The following FYB2 variants were observed in gnomAD, a reference collection of about 807,000 sequenced individuals.
FYB2 encodes the protein FYN binding protein 2.
Under a neutral mutation model 94.1 loss-of-function variants are expected in FYB2, and 103 were observed. The ratio of observed to expected loss-of-function variants is 1.09; its 90% CI spans 0.93 to 1.29. The LOEUF (loss-of-function observed/expected upper bound fraction) is 1.29. FYB2 is among the 50% of genes most tolerant of loss of function. The probability of loss-of-function intolerance (pLI) is 0.00; values close to 1 mark genes in which losing one functional copy is unlikely to be tolerated. For synonymous variants in FYB2, 293 were observed against 287.9 expected (o/e 1.02, Z -0.18); for missense variants, 896 against 841.5 (o/e 1.06, Z -0.80).
At chr1:56,767,104 C>G (rs1645641480) in intron 5 of FYB2, among the ~76,000 whole-genome samples, 1 of 152,158 alleles carries the variant, frequency 6.6e-6, no homozygotes, top group South Asian at 2.1e-4. Flanking sequence ...ACATGGGGAA[C>G]CTAACACAGA....
At chr1:56,800,116 C>T (rs1646486407) in intron 1 of FYB2, among the ~76,000 whole-genome samples, 1 of 152,286 alleles carries the variant, frequency 6.6e-6, no homozygotes, top group South Asian at 2.1e-4. Context: ...GTAAGCAAAT[C>T]CAAGAGCCTT....
intron 4 of FYB2, among the ~76,000 whole-genome samples, chr1:56,774,033 AGT>A (rs1447017875): frequency 6.6e-6 from 1 of 152,204 alleles, no homozygotes; most frequent in Admixed American, 6.5e-5. Flanking sequence ...AACTTTTAAA[AGT>A]GACATCCATA....
chr1:56,769,503 G>T (rs1022298587), intron 4 of FYB2, among the ~76,000 whole-genome samples: 1 of 151,978 alleles, frequency 6.6e-6, no homozygotes, highest in African/African-American at 2.4e-5. Context: ...TGATGTAAAG[G>T]AGTCAATATT....
intron 5 of FYB2, among the ~76,000 whole-genome samples, chr1:56,763,933 T>A (rs1156627901): frequency 2.0e-5 from 3 of 152,006 alleles, no homozygotes; most frequent in Non-Finnish European, 4.4e-5. Flanking sequence ...GTTTCTTGAA[T>A]CTGTTGTCAT....
intron 9 of FYB2, among the ~76,000 whole-genome samples, chr1:56,745,260 C>T (rs996980756): frequency 3.9e-5 from 6 of 151,982 alleles, no homozygotes; most frequent in Admixed American, 2.0e-4. Context: ...AAAACACTGA[C>T]GACTCTCAAA....
chr1:56,818,455 AACACACACACACACACACAC>A (rs3991685), intron 1 of FYB2, among the ~76,000 whole-genome samples: 44 of 139,966 alleles, frequency 3.1e-4, no homozygotes, highest in African/African-American at 1.1e-3. Flanking sequence ...GTATGGAAGC[AACACACACACACACACACAC>A]ACACACACAC....
At chr1:56,823,166 GA>G (rs745870643), upstream of FYB2, among the ~76,000 whole-genome samples, 81 of 152,304 alleles carry the variant, frequency 5.3e-4, no homozygotes, top group Non-Finnish European at 6.9e-4. Flanking sequence ...GTGAGGCTCA[GA>G]AAGGTTAGGC....
chr1:56,776,428 A>G (rs1163449130), intron 4 of FYB2, among the ~76,000 whole-genome samples: 1 of 152,180 alleles, frequency 6.6e-6, no homozygotes, highest in Non-Finnish European at 1.5e-5. Context: ...ATGACTTTCT[A>G]AAAGCACTTT....
chr1:56,787,962 T>A (rs1646170114), intron 3 of FYB2, among the ~76,000 whole-genome samples: 1 of 152,188 alleles, frequency 6.6e-6, no homozygotes, highest in Non-Finnish European at 1.5e-5. Context: ...CCATATAGAA[T>A]TTTCTTTTAG....
chr1:56,760,357 C>G (rs1645462974), intron 5 of FYB2, among the ~76,000 whole-genome samples: 1 of 152,058 alleles, frequency 6.6e-6, no homozygotes, highest in Admixed American at 6.6e-5. Flanking sequence ...AATACACTGA[C>G]AAAATCAATG....
intron 4 of FYB2, among the ~76,000 whole-genome samples, chr1:56,781,301 G>T (rs1646002976): frequency 6.6e-6 from 1 of 152,124 alleles, no homozygotes; most frequent in Admixed American, 6.6e-5. Flanking sequence ...AACAATGATG[G>T]GAACAGCAAA....
chr1:56,721,221 C>CAAAT (rs934784095), intron 17 of FYB2, among the ~76,000 whole-genome samples: 2 of 152,054 alleles, frequency 1.3e-5, no homozygotes, highest in African/African-American at 4.8e-5. Flanking sequence ...CTGTTGACCA[C>CAAAT]AAATAAATAG....
chr1:56,797,235 C>T (rs781471962), intron 1 of FYB2, among the ~76,000 whole-genome samples: 1 of 152,084 alleles, frequency 6.6e-6, no homozygotes, highest in African/African-American at 2.4e-5. Context: ...ATAACTGAAG[C>T]CCCAGTGCAC....
At chr1:56,781,637 T>C (rs574142338) in intron 4 of FYB2, among the ~76,000 whole-genome samples, 114 of 152,286 alleles carry the variant, frequency 7.5e-4, no homozygotes, top group African/African-American at 2.6e-3. Context: ...TTCCACCTTT[T>C]CCCATGAAAT....
chr1:56,803,364 T>G (rs1646565300), intron 1 of FYB2, among the ~76,000 whole-genome samples: 1 of 152,218 alleles, frequency 6.6e-6, no homozygotes, highest in Non-Finnish European at 1.5e-5. Context: ...TTTGGAATTG[T>G]GGGTAACGAG....
intron 1 of FYB2, among the ~76,000 whole-genome samples, chr1:56,804,743 A>G (rs1646601212): frequency 1.0e-5 from 1 of 100,502 alleles, no homozygotes; most frequent in African/African-American, 2.7e-5. Flanking sequence ...AAATAAATAA[A>G]TAAATACATA....
At chr1:56,804,411 C>T (rs1277901819) in intron 1 of FYB2, among the ~76,000 whole-genome samples, 1 of 152,158 alleles carries the variant, frequency 6.6e-6, no homozygotes, top group Non-Finnish European at 1.5e-5. Context: ...AAATTAATTT[C>T]ATGCCAATGA....
At chr1:56,779,340 G>C (rs529114568) in intron 4 of FYB2, among the ~76,000 whole-genome samples, 1 of 152,018 alleles carries the variant, frequency 6.6e-6, no homozygotes, top group Non-Finnish European at 1.5e-5. Flanking sequence ...AGAAAGGAGC[G>C]TGCCTCTCAT....
chr1:56,785,066 C>A (rs1646101850), intron 4 of FYB2, among the ~76,000 whole-genome samples: 1 of 152,094 alleles, frequency 6.6e-6, no homozygotes, highest in Non-Finnish European at 1.5e-5. Flanking sequence ...GGTTAGCTTC[C>A]AAAATCAGCA....
Sources: gnomAD v4.1 joint callset for allele counts (sites outside exome capture counted in the v4.1 genomes callset) on GRCh38, gnomAD v4.1.1 for gene constraint, MANE v1.5 for transcripts, NCBI Gene and HGNC (gene_info 2026-07-23, HGNC 2026-07-21) for gene names.